The following GALNTL6 variants were observed in gnomAD, a reference collection of about 807,000 sequenced individuals.
GALNTL6 encodes the protein polypeptide N-acetylgalactosaminyltransferase like 6.
A neutral mutation model predicts 73.7 loss-of-function variants in GALNTL6; 46 were observed. The ratio of observed to expected loss-of-function variants is 0.62; its 90% confidence interval spans 0.49 to 0.80. GALNTL6 has a LOEUF of 0.80. Ranked by LOEUF, GALNTL6 falls within the 30% of genes least tolerant of loss-of-function variation. GALNTL6 has a pLI of 0.00. For synonymous variants in GALNTL6, 259 were observed against 263.7 expected (o/e 0.98, Z 0.17); for missense variants, 604 against 755.0 (o/e 0.80, Z 2.34).
chr4:172,914,473 G>C (rs1357487615), intron 8 of GALNTL6, among the ~76,000 whole-genome samples: 1 of 152,160 alleles, frequency 6.6e-6, no homozygotes, highest in East Asian at 1.9e-4. Flanking sequence ...AAAGAGTCAA[G>C]ACCCATCAGT....
intron 2 of GALNTL6, among the ~76,000 whole-genome samples, chr4:172,193,706 CA>C (rs1299136187): frequency 6.7e-6 from 1 of 150,080 alleles, no homozygotes; most frequent in African/African-American, 2.5e-5. Context: ...ACTAAAAATA[CA>C]AAAAAATTAG....
chr4:172,707,011 C>G (rs1347725951), intron 5 of GALNTL6, among the ~76,000 whole-genome samples: 1 of 152,104 alleles, frequency 6.6e-6, no homozygotes, highest in Non-Finnish European at 1.5e-5. Flanking sequence ...GCCAAGGAAC[C>G]CATGATGGTG....
chr4:172,517,622 G>T (rs929574250), intron 5 of GALNTL6, among the ~76,000 whole-genome samples: 7 of 152,058 alleles, frequency 4.6e-5, no homozygotes, highest in African/African-American at 1.7e-4. Context: ...CTACCTTTTA[G>T]TTTTTAAACT....
At chr4:171,980,662 T>G (rs1202223649) in intron 2 of GALNTL6, among the ~76,000 whole-genome samples, 1 of 152,186 alleles carries the variant, frequency 6.6e-6, no homozygotes, top group African/African-American at 2.4e-5. Context: ...GGAAGCAGTG[T>G]TCTTGTGTTC....
Position 172,449,600 on chromosome 4 carries a change from C to T in GALNTL6, c.553+100911C>T, listed in dbSNP as rs142641827. On this transcript the variant is annotated intron_variant, in intron 5 of 12. Coordinates refer to ENST00000506823, the MANE Select transcript of GALNTL6 (RefSeq NM_001034845.3). ...TTTCTTCTCCAGGTTCCATAAAAAT[C>T]CAGTCTTTTGATTTTCTGTCTACAA... Among the ~76,000 whole-genome samples the T allele has an allele frequency of 5.4e-3, 817 of 152,286 alleles. 5 individuals carry two copies. Among genetic ancestry groups the T allele is most frequent in the Non-Finnish European group, 8.8e-3 (596 of 68,020 alleles).
intron 5 of GALNTL6, among the ~76,000 whole-genome samples, chr4:172,583,311 A>T (rs1402001147): frequency 6.6e-6 from 1 of 152,168 alleles, no homozygotes; most frequent in Non-Finnish European, 1.5e-5. Context: ...AAACATGCTG[A>T]TTCTTAGTAA....
chr4:172,306,728 C>T (rs1259598600), intron 3 of GALNTL6, among the ~76,000 whole-genome samples: 1 of 152,182 alleles, frequency 6.6e-6, no homozygotes, highest in Non-Finnish European at 1.5e-5. Context: ...ATTTTCCATT[C>T]CTGAGTTATT....
At chr4:172,933,475 T>C (rs76915068) in intron 9 of GALNTL6, among the ~76,000 whole-genome samples, 3,072 of 152,230 alleles carry the variant, frequency 0.02, 38 homozygotes, top group Non-Finnish European at 0.024. Context: ...CAGGAAAAAG[T>C]GAATATTTAT....
intron 5 of GALNTL6, among the ~76,000 whole-genome samples, chr4:172,730,598 C>G (rs1339932583): frequency 1.3e-5 from 2 of 152,118 alleles, no homozygotes; most frequent in African/African-American, 4.8e-5. Flanking sequence ...GGTGAACGAT[C>G]TTTTTAGTGT....
At position 171,958,672 on chromosome 4, in the gene GALNTL6, A is replaced by G. The variant is rs1229787848; in HGVS notation, c.138+143954A>G. Among the ~76,000 whole-genome samples, 6 of 152,220 alleles carry G rather than the reference A, an allele frequency of 3.9e-5. No homozygotes were observed. The South Asian group carries it at 1.0e-3, about 26-fold the overall frequency. On this transcript the variant is annotated intron_variant, in intron 2 of 12. Coordinates refer to ENST00000506823, the MANE Select transcript of GALNTL6 (RefSeq NM_001034845.3). The stretch of plus-strand genomic sequence containing the variant: ...CAAACTTTACATTACTCCCATATCA[A>G]CTATGATCAATCACATAATTGCAAT...
chr4:172,429,369 G>A (rs1475347601), intron 5 of GALNTL6, among the ~76,000 whole-genome samples: 4 of 151,742 alleles, frequency 2.6e-5, no homozygotes, highest in Non-Finnish European at 4.4e-5. Context: ...GCACCACTAC[G>A]CCTGGCTAAT....
intron 5 of GALNTL6, among the ~76,000 whole-genome samples, chr4:172,502,493 T>C (rs1734295791): frequency 6.6e-6 from 1 of 152,208 alleles, no homozygotes; most frequent in Non-Finnish European, 1.5e-5. Flanking sequence ...GCTCATCTAT[T>C]TGATCCTTCA....
At chr4:171,893,971 A>G (rs1375511780) in intron 2 of GALNTL6, among the ~76,000 whole-genome samples, 2 of 13,468 alleles carry the variant, frequency 1.5e-4, no homozygotes, top group Non-Finnish European at 2.8e-4. Flanking sequence ...ACCCCTCTCT[A>G]GCCAAAGAGC....
chr4:171,873,246 A>G (rs749615083), intron 2 of GALNTL6, among the ~76,000 whole-genome samples: 5 of 152,204 alleles, frequency 3.3e-5, no homozygotes, highest in Non-Finnish European at 7.4e-5. Context: ...TGGCAGAACC[A>G]ATCCATTAGA....
At chr4:172,532,929 G>GA (rs1205521634) in intron 5 of GALNTL6, among the ~76,000 whole-genome samples, 1 of 150,788 alleles carries the variant, frequency 6.6e-6, no homozygotes, top group South Asian at 2.1e-4. Context: ...AAGCCAAAAA[G>GA]AAAAAACAGT....
At chr4:171,924,051 C>T (rs1015930114) in intron 2 of GALNTL6, among the ~76,000 whole-genome samples, 3 of 151,804 alleles carry the variant, frequency 2.0e-5, no homozygotes, top group Non-Finnish European at 1.5e-5. Flanking sequence ...TACTGAATAT[C>T]TCTGAGCCAG....
chr4:172,753,459 T>C (rs1236756208), intron 5 of GALNTL6, among the ~76,000 whole-genome samples: 1 of 152,236 alleles, frequency 6.6e-6, no homozygotes, highest in Non-Finnish European at 1.5e-5. Context: ...TGTAAAATTA[T>C]GTGATGAAGT....
chr4:171,864,611 T>A (rs891596517), intron 2 of GALNTL6, among the ~76,000 whole-genome samples: 1 of 152,174 alleles, frequency 6.6e-6, no homozygotes, highest in African/African-American at 2.4e-5. Flanking sequence ...TATAACATAA[T>A]TAGGTTCATA....
chr4:172,388,044 G>A (rs1482140729), intron 5 of GALNTL6, among the ~76,000 whole-genome samples: 5 of 152,062 alleles, frequency 3.3e-5, no homozygotes, highest in African/African-American at 9.7e-5. Context: ...TGTTGGATAC[G>A]ATCAAAATAG....
Sources: gnomAD v4.1 joint callset for allele counts (sites outside exome capture counted in the v4.1 genomes callset) on GRCh38, gnomAD v4.1.1 for gene constraint, MANE v1.5 for transcripts, NCBI Gene and HGNC (gene_info 2026-07-23, HGNC 2026-07-21) for gene names.